The following XRN1 variants were observed in gnomAD, a reference collection of about 807,000 sequenced individuals.
XRN1 encodes the protein 5'-3' exoribonuclease 1, also known as strand-exchange protein 1 homolog.
A neutral mutation model predicts 222.3 loss-of-function variants in XRN1; 67 were observed. The observed-to-expected ratio is 0.30, with a 90% CI of 0.25 to 0.37. XRN1 has a LOEUF of 0.37. Among genes scored for constraint, XRN1 ranks in the 10% least tolerant of loss-of-function variants. The pLI, the probability that XRN1 is intolerant of heterozygous loss-of-function variation, is 1.00. For missense variants in XRN1, 1,707 were observed against 2,000.2 expected (o/e 0.85, Z 2.80); for synonymous variants, 643 against 652.4 (o/e 0.99, Z 0.22).
In XRN1 at chr3:142,312,804, T is replaced by C; in HGVS notation, c.4622-46A>G. 1.9e-6 allele frequency: 3 copies of C among 1,551,324 alleles called. No homozygotes were observed. In the South Asian group the frequency reaches 3.7e-5, roughly 19 times the overall value. On this transcript the variant is annotated intron_variant, in intron 39 of 40. Transcript: ENST00000392981. Reference sequence around the variant, plus strand: ...TTTTTCTTTTAGTAAAATGGTATCATCAAAGCTCTGAAATTTGAGACCTCC... The same window carrying C: ...TTTTTCTTTTAGTAAAATGGTATCACCAAAGCTCTGAAATTTGAGACCTCC...
Position 142,332,976 on chromosome 3 carries a change from T to C in XRN1, c.4053A>G (p.Ser1351=). Residue 1351 remains serine (S), a synonymous_variant, in exon 35 of 41, where the codon TCA becomes TCG. Coordinates refer to ENST00000392981, the MANE Select transcript of XRN1 (RefSeq NM_001282857.2). ...CCTACAAAATACGAACCATGGCAAA[T>C]GACTGTGGTGACAAATGCTCTTCAC... The part of the protein sequence containing the change: ...PPSEEHLSPQ[S]FAMKGTRMLK... 1 of 1,613,308 alleles carries C rather than the reference T, an allele frequency of 6.2e-7. No individual in the cohort carries two copies. Among genetic ancestry groups the C allele is most frequent in the Non-Finnish European group, 8.5e-7 (1 of 1,179,618 alleles).
At chr3:142,410,233 G>T (rs191922381) in intron 15 of XRN1, among the ~76,000 whole-genome samples, 123 of 152,200 alleles carry the variant, frequency 8.1e-4, no homozygotes, top group African/African-American at 2.7e-3. Flanking sequence ...GTTGTTTGCA[G>T]TAAGATTTTT....
intron 33 of XRN1, among the ~76,000 whole-genome samples, chr3:142,337,879 A>G (rs60759726): frequency 0.016 from 2,426 of 152,310 alleles, 60 homozygotes; most frequent in African/African-American, 0.056. Flanking sequence ...ATGGGCATAA[A>G]TTAGCAGAAT....
chr3:142,327,514 G>T (rs1436504330), intron 37 of XRN1, among the ~76,000 whole-genome samples: 8 of 147,878 alleles, frequency 5.4e-5, no homozygotes, highest in African/African-American at 2.0e-4. Flanking sequence ...AAGGTTTGTT[G>T]ATTTTGCTTA....
intron 32 of XRN1, among the ~76,000 whole-genome samples, chr3:142,347,971 T>C (rs930095269): frequency 6.6e-6 from 1 of 152,110 alleles, no homozygotes; most frequent in African/African-American, 2.4e-5. Flanking sequence ...CCAAACAAAA[T>C]ACTAAACTTT....
At chr3:142,353,942 T>A (rs1332631567) in intron 32 of XRN1, among the ~76,000 whole-genome samples, 2 of 152,000 alleles carry the variant, frequency 1.3e-5, no homozygotes, top group Non-Finnish European at 2.9e-5. Context: ...AGGTCTAATA[T>A]CAAGAATCTA....
At chr3:142,354,963 G>C (rs2066420947) in intron 32 of XRN1, among the ~76,000 whole-genome samples, 1 of 152,036 alleles carries the variant, frequency 6.6e-6, no homozygotes, top group South Asian at 2.1e-4. Flanking sequence ...CTAAGTGAAT[G>C]AATATAAGAA....
intron 29 of XRN1, among the ~76,000 whole-genome samples, chr3:142,361,147 T>C (rs911827379): frequency 2.0e-5 from 3 of 152,240 alleles, no homozygotes; most frequent in African/African-American, 7.2e-5. Context: ...ATAATGTGTA[T>C]TCCTCGTTTG....
In XRN1 at chr3:142,308,969, A is replaced by G. The variant is rs3762799; in HGVS notation, c.*2542T>C. 0.39 allele frequency: 59,777 copies of G among 152,024 alleles called. 11,741 individuals carry two copies. Among genetic ancestry groups the G allele is most frequent in the Middle Eastern group, 0.47 (139 of 294 alleles). 9.4% of individuals were successfully genotyped at this position (152,024 alleles called of 1,614,324 possible). A position where few individuals can be genotyped will look rare whatever the true frequency, so the allele number is the denominator to read the frequency against. The stretch of plus-strand genomic sequence containing the variant: ...CTTGAAGTCCAACTGCTTTTCAGAT[A>G]TACTCTAAATTCCAGGTCTATCAAC... On this transcript the variant is annotated 3_prime_UTR_variant, in exon 41 of 41. Coordinates refer to ENST00000392981, the MANE Select transcript of XRN1 (RefSeq NM_001282857.2).
At chr3:142,314,951 GTTT>G (rs1204432176) in intron 39 of XRN1, among the ~76,000 whole-genome samples, 10 of 88,606 alleles carry the variant, frequency 1.1e-4, no homozygotes, top group Non-Finnish European at 2.2e-4. Flanking sequence ...TCTGTCGTCT[GTTT>G]TTTTTTTTTT....
At chr3:142,435,474 T>G (rs947217214) in intron 1 of XRN1, 7 of 150,968 alleles carry the variant, frequency 4.6e-5, no homozygotes, top group Admixed American at 2.0e-4. Flanking sequence ...AAAGAGCAAA[T>G]TTTTGACTGG....
chr3:142,376,164 G>T, intron 24 of XRN1: 2 of 764,734 alleles, frequency 2.6e-6, no homozygotes, highest in Non-Finnish European at 3.8e-6. Context: ...AACAAAGCAT[G>T]TAAATAAATT....
intron 2 of XRN1, among the ~76,000 whole-genome samples, chr3:142,428,125 G>A (rs1453281452): frequency 1.3e-5 from 2 of 152,244 alleles, no homozygotes; most frequent in East Asian, 3.9e-4. Flanking sequence ...AGGTGCGGTG[G>A]CTCACACCTG....
chr3:142,390,650 G>A (rs1213429730), intron 20 of XRN1, among the ~76,000 whole-genome samples: 1 of 152,156 alleles, frequency 6.6e-6, no homozygotes, highest in Non-Finnish European at 1.5e-5. Context: ...TAGCAATAAG[G>A]TTGTTTAATT....
At chr3:142,345,671 T>C (rs1252508343) in intron 33 of XRN1, among the ~76,000 whole-genome samples, 1 of 152,074 alleles carries the variant, frequency 6.6e-6, no homozygotes, top group Non-Finnish European at 1.5e-5. Context: ...GCATGTAATA[T>C]CTAGCATGTA....
chr3:142,311,824 T>C lies in XRN1; in HGVS notation c.4783-11A>G, dbSNP rs201585371. On this transcript the variant is annotated splice_polypyrimidine_tract_variant and intron_variant, in intron 40 of 40. Transcript: ENST00000392981. ...CCTTTTTTTAGTAACCTGTTAGGAA[T>C]AAAAGCATCACTAATTAATAATGTA... is the stretch of plus-strand genomic sequence containing the variant. 8.3e-6 allele frequency: 13 copies of C among 1,561,426 alleles called. No individual in the cohort carries two copies. Among genetic ancestry groups the C allele is most frequent in the Non-Finnish European group, 1.1e-5 (13 of 1,157,902 alleles).
At chr3:142,420,877 C>T in intron 10 of XRN1, 139 bp downstream of exon 10, 1 of 1,059,908 alleles carries the variant, frequency 9.4e-7, no homozygotes, top group Non-Finnish European at 1.4e-6. Context: ...GAAACCAAAT[C>T]AATTTCTGAA....
chr3:142,417,381 T>C, intron 12 of XRN1, 152 bp from the exon 13 acceptor site: 2 of 619,106 alleles, frequency 3.2e-6, no homozygotes, highest in South Asian at 5.1e-5. Context: ...TCCTAAAAAC[T>C]CCAAAATATT....
At chr3:142,366,505 G>A (rs1025255955) in intron 27 of XRN1, among the ~76,000 whole-genome samples, 2 of 152,146 alleles carry the variant, frequency 1.3e-5, no homozygotes, top group African/African-American at 4.8e-5. Context: ...TGGGGATAAA[G>A]CAGTGAACTG....
Sources: gnomAD v4.1 joint callset for allele counts (sites outside exome capture counted in the v4.1 genomes callset) on GRCh38, gnomAD v4.1.1 for gene constraint, MANE v1.5 for transcripts, NCBI Gene and HGNC (gene_info 2026-07-23, HGNC 2026-07-21) for gene names.